TMPRSS11F: variants seen among roughly 807,000 people sequenced by gnomAD.
TMPRSS11F encodes the protein transmembrane protease serine 11F.
In TMPRSS11F, 47 loss-of-function variants were observed where a neutral mutation model predicts 60.2. That is an observed-to-expected ratio of 0.78 (90% CI 0.62 to 1.00). The LOEUF (loss-of-function observed/expected upper bound fraction) is 1.00. Among genes scored for constraint, TMPRSS11F ranks in the 50% least tolerant of loss-of-function variants. TMPRSS11F has a pLI of 0.00. For synonymous variants in TMPRSS11F, 166 were observed against 167.3 expected (o/e 0.99, Z 0.06); for missense variants, 519 against 522.9 (o/e 0.99, Z 0.07).
chr4:68,086,625 C>T (rs1723819845), intron 3 of TMPRSS11F, among the ~76,000 whole-genome samples: 1 of 151,742 alleles, frequency 6.6e-6, no homozygotes, highest in African/African-American at 2.4e-5. Flanking sequence ...CTGATAGCTA[C>T]CTAAATTAGA....
At chr4:68,110,485 G>C (rs1724390231) in intron 1 of TMPRSS11F, among the ~76,000 whole-genome samples, 1 of 152,074 alleles carries the variant, frequency 6.6e-6, no homozygotes, top group African/African-American at 2.4e-5. Flanking sequence ...TTTGTTTTGA[G>C]AGATTTAAGT....
intron 8 of TMPRSS11F, chr4:68,062,925 T>C (rs1419579580): frequency 2.5e-6 from 2 of 789,380 alleles, no homozygotes; most frequent in Non-Finnish European, 4.5e-6. Context: ...CTCCCATTTG[T>C]GGCATTATAA....
rs552731033 is a variant in TMPRSS11F, at chr4:68,054,264, A to G, written c.1159-197T>C. Among the ~76,000 whole-genome samples, 308 of 152,070 alleles carry G rather than the reference A, an allele frequency of 2.0e-3. 1 individual carries two copies. Among genetic ancestry groups the G allele is most frequent in the African/African-American group, 7.1e-3 (296 of 41,506 alleles). On this transcript the variant is annotated intron_variant, in intron 9 of 9. Transcript: ENST00000356291. ...CATTGTTTTTCATAGGAAGGCTAACATTCATTCACAGGAAATGGTTACATT... is the reference window on the plus strand; with the variant it reads ...CATTGTTTTTCATAGGAAGGCTAACGTTCATTCACAGGAAATGGTTACATT...
At chr4:68,089,815 T>G (rs923954818) in intron 3 of TMPRSS11F, among the ~76,000 whole-genome samples, 2 of 152,128 alleles carry the variant, frequency 1.3e-5, no homozygotes, top group African/African-American at 2.4e-5. Flanking sequence ...TAAAGAATCA[T>G]ATTAACATAG....
intron 3 of TMPRSS11F, among the ~76,000 whole-genome samples, chr4:68,088,485 G>C (rs1475307296): frequency 6.6e-6 from 1 of 151,324 alleles, no homozygotes; most frequent in Admixed American, 6.6e-5. Flanking sequence ...ACAGATCAAC[G>C]AGACAGAAAG....
Position 68,072,454 on chromosome 4 carries a change from A to G in TMPRSS11F, c.383T>C (p.Val128Ala). 6.3e-7 allele frequency: 1 copy of G among 1,587,028 alleles called. No homozygotes were observed. The change falls in exon 5 of 10, where the codon GTG becomes GCG. Residue 128 changes from valine to alanine, a missense_variant. By Grantham distance (64) the Val-to-Ala change is moderately conservative. Coordinates refer to ENST00000356291, the MANE Select transcript of TMPRSS11F (RefSeq NM_207407.2). ...PDEQGVDILI[V>A]LIFRYPSTDS... The stretch of plus-strand genomic sequence containing the variant: ...AGTAGATGGGTATCGAAATATGAGC[A>G]CTATAAGAATATCCACACCTTGTTC...
At chr4:68,106,796 A>G (rs147599827) in intron 1 of TMPRSS11F, among the ~76,000 whole-genome samples, 94 of 152,378 alleles carry the variant, frequency 6.2e-4, no homozygotes, top group African/African-American at 2.0e-3. Context: ...TATTTACATA[A>G]TAGAATATAA....
At position 68,090,534 on chromosome 4, in the gene TMPRSS11F, T is replaced by A; in HGVS notation, c.271A>T (p.Ile91Phe). ...TCTGTTGAGCTTACCATTCTTTCAA[T>A]CTGATGACTCCTTTCTATAAACTCT... ...SREFIERSHQ[I>F]ERMMSRIFRH... is the part of the protein sequence containing the mutation. The change falls in exon 3 of 10, where the codon ATT becomes TTT. Residue 91 changes from isoleucine (I) to phenylalanine (F), a missense_variant. By Grantham distance (21) the Ile-to-Phe change is conservative. Transcript: ENST00000356291. 1.3e-6 allele frequency: 2 copies of A among 1,586,266 alleles called. No individual in the cohort carries two copies. Among genetic ancestry groups the A allele is most frequent in the Non-Finnish European group, 1.7e-6 (2 of 1,168,782 alleles).
Position 68,053,720 on chromosome 4 carries a change from C to T in TMPRSS11F, c.*189G>A. 1 of 472,780 alleles carries T rather than the reference C, an allele frequency of 2.1e-6. No individual in the cohort carries two copies. The highest frequency in any genetic ancestry group is 3.7e-6 in the Non-Finnish European group (1 of 270,278). The allele number at this position is 472,780 out of a possible 1,614,324, so 29.3% of individuals were successfully genotyped here. On this transcript the variant is annotated 3_prime_UTR_variant, in exon 10 of 10. Coordinates refer to ENST00000356291, the MANE Select transcript of TMPRSS11F (RefSeq NM_207407.2). ...TGTCTGTCATTTGCTGTGTCTTCTTCCCTCATGGTAGAGAGGGTTTGGTCC... is the reference window on the plus strand; with the variant it reads ...TGTCTGTCATTTGCTGTGTCTTCTTTCCTCATGGTAGAGAGGGTTTGGTCC...
Position 68,111,986 on chromosome 4 carries a change from G to A in TMPRSS11F, c.12-12948C>T, listed in dbSNP as rs535989969. Among the ~76,000 whole-genome samples, 9 of 152,182 alleles carry A rather than the reference G, an allele frequency of 5.9e-5. No homozygotes were observed. The South Asian group carries it at 1.9e-3, about 32-fold the overall frequency. On this transcript the variant is annotated intron_variant, in intron 1 of 9. Coordinates refer to ENST00000356291, the MANE Select transcript of TMPRSS11F (RefSeq NM_207407.2). ...ATGTACTTACTTAATTATCACAATG[G>A]AGTCTTAGCCTTTCTTCCTATTTCC... is the stretch of plus-strand genomic sequence containing the variant.
At chr4:68,114,683 T>C (rs939833504) in intron 1 of TMPRSS11F, among the ~76,000 whole-genome samples, 5 of 151,080 alleles carry the variant, frequency 3.3e-5, no homozygotes, top group Non-Finnish European at 7.4e-5. Flanking sequence ...ACATTATTTT[T>C]AAAAATCGGA....
At chr4:68,064,536 T>A (rs1201434539) in intron 8 of TMPRSS11F, 149 bp downstream of exon 8, 35 of 908,212 alleles carry the variant, frequency 3.9e-5, no homozygotes, top group African/African-American at 5.0e-5. Flanking sequence ...TTTTACTTTT[T>A]AACCCACAGT....
intron 9 of TMPRSS11F, among the ~76,000 whole-genome samples, chr4:68,057,969 A>G (rs1723081939): frequency 1.3e-5 from 2 of 152,218 alleles, no homozygotes; most frequent in African/African-American, 4.8e-5. Context: ...CCAGGCACAG[A>G]AAGACATATA....
chr4:68,059,218 G>T, intron 9 of TMPRSS11F, 108 bp downstream of exon 9: 2 of 1,082,262 alleles, frequency 1.8e-6, no homozygotes, highest in Non-Finnish European at 2.6e-6. Flanking sequence ...GTCAGTTCTC[G>T]GTGTAAGAGA....
At chr4:68,066,545 C>A (rs1160908523) in intron 7 of TMPRSS11F, among the ~76,000 whole-genome samples, 1 of 152,186 alleles carries the variant, frequency 6.6e-6, no homozygotes, top group Non-Finnish European at 1.5e-5. Flanking sequence ...CACACTGTTT[C>A]ACAAAGACTG....
intron 1 of TMPRSS11F, among the ~76,000 whole-genome samples, chr4:68,111,322 A>G (rs1028519941): frequency 1.3e-5 from 2 of 152,152 alleles, no homozygotes; most frequent in African/African-American, 2.4e-5. Context: ...TCCTACGGCA[A>G]CTCAGACATC....
chr4:68,056,422 A>G (rs2109824811), intron 9 of TMPRSS11F, among the ~76,000 whole-genome samples: 1 of 151,542 alleles, frequency 6.6e-6, no homozygotes, highest in Middle Eastern at 3.4e-3. Flanking sequence ...ATCCATTTAC[A>G]ATAGCAACAA....
rs529815273 is a variant in TMPRSS11F at position 68,074,893 on chromosome 4, T to C, written c.283-884A>G. ...GGATAGATTGCTTTAGCCCAGGAGT[T>C]CCAGATGAGCCTGGGCAACATGGCA... is the stretch of plus-strand genomic sequence containing the variant. On this transcript the variant is annotated intron_variant, in intron 3 of 9. Transcript: ENST00000356291. 2.6e-5 allele frequency among the ~76,000 whole-genome samples: 4 copies of C among 152,202 alleles called. 1 individual carries two copies. The East Asian group carries it at 7.7e-4, about 29-fold the overall frequency.
chr4:68,091,761 C>CTATCTATCTATCTATCTA (rs1298593698), intron 2 of TMPRSS11F, among the ~76,000 whole-genome samples: 67 of 110,688 alleles, frequency 6.1e-4, no homozygotes, highest in African/African-American at 2.2e-3. Context: ...CTCTCTCTCT[C>CTATCTATCTATCTATCTA]TCTCTCTCTC....
Sources: allele counts gnomAD v4.1 joint callset (sites outside exome capture counted in the v4.1 genomes callset), GRCh38; gene constraint gnomAD v4.1.1; transcripts MANE v1.5; gene names NCBI Gene and HGNC (gene_info 2026-07-23, HGNC 2026-07-21).